Variants in LYRM4 observed in about 807,000 individuals in gnomAD.
The protein encoded by LYRM4 is LYR motif containing 4.
Under a neutral mutation model 11.7 loss-of-function variants are expected in LYRM4, and 9 were observed. That is an observed-to-expected ratio of 0.77 (90% CI 0.46 to 1.34). The LOEUF is 1.34. LYRM4 is among the 40% of genes most tolerant of loss of function. LYRM4 has a pLI of 0.00. For synonymous variants in LYRM4, 42 were observed against 40.4 expected (o/e 1.04, Z -0.15); for missense variants, 133 against 112.5 (o/e 1.18, Z -0.82).
chr6:5,230,484 C>A (rs1763173057), intron 1 of LYRM4, among the ~76,000 whole-genome samples: 1 of 152,114 alleles, frequency 6.6e-6, no homozygotes, highest in South Asian at 2.1e-4. Context: ...GCTCAAGCTT[C>A]CATCAGGTAT....
intron 2 of LYRM4, among the ~76,000 whole-genome samples, chr6:5,172,596 G>C (rs1165274179): frequency 1.3e-5 from 2 of 152,054 alleles, no homozygotes; most frequent in Non-Finnish European, 2.9e-5. Context: ...CTCTGCAAAG[G>C]GAGGACCACA....
chr6:5,123,313 G>A (rs1167702578), intron 2 of LYRM4, among the ~76,000 whole-genome samples: 1 of 152,220 alleles, frequency 6.6e-6, no homozygotes, highest in Non-Finnish European at 1.5e-5. Flanking sequence ...GAGAGTGGAG[G>A]TGAGAGAGAA....
chr6:5,178,183 T>C (rs2746220), intron 2 of LYRM4, among the ~76,000 whole-genome samples: 52,994 of 151,972 alleles, frequency 0.35, 10,556 homozygotes, highest in African/African-American at 0.56. Context: ...TTTTGTATAT[T>C]GTCTGTGTTG....
downstream of LYRM4, chr6:5,108,177 C>G (rs559702048): frequency 3.3e-5 from 5 of 152,376 alleles, no homozygotes; most frequent in Admixed American, 2.6e-4. Context: ...AGTGCGTACT[C>G]ACTCCCATGA....
In LYRM4 at chr6:5,237,168, T is replaced by C. The variant is rs530028405; in HGVS notation, c.87-20430A>G. Among the ~76,000 whole-genome samples, 22 of 152,332 alleles carry C rather than the reference T, an allele frequency of 1.4e-4. 1 individual carries two copies. In the East Asian group the frequency reaches 4.2e-3, roughly 29 times the overall value. On this transcript the variant is annotated intron_variant, in intron 1 of 2. Transcript: ENST00000330636. ...CCCTTGTCTGTGGCCTATCAGGAAC[T>C]GGGCTGCACAGCAGCAGATGAGCGA...
intron 2 of LYRM4, among the ~76,000 whole-genome samples, chr6:5,185,713 A>G (rs1005094819): frequency 6.6e-6 from 1 of 152,200 alleles, no homozygotes; most frequent in African/African-American, 2.4e-5. Context: ...GTCCGGTTTC[A>G]ACACCTGTGC....
chr6:5,212,294 TA>T (rs1366458415), intron 2 of LYRM4, among the ~76,000 whole-genome samples: 1 of 152,116 alleles, frequency 6.6e-6, no homozygotes, highest in African/African-American at 2.4e-5. Flanking sequence ...TCCAGAGGAG[TA>T]TCTTTATTTA....
the LYRM4 span, among the ~76,000 whole-genome samples, chr6:5,046,228 G>T: frequency 6.6e-6 from 1 of 151,922 alleles, no homozygotes; most frequent in Non-Finnish European, 1.5e-5. Context: ...CTCACTGCAA[G>T]CTCTGCCTCC....
At chr6:5,032,248 C>T in the LYRM4 span, 2 of 152,268 alleles carry the variant, frequency 1.3e-5, no homozygotes, top group Non-Finnish European at 2.9e-5. Context: ...AAGGGATAAG[C>T]GGTTCCCTCA....
chr6:5,218,455 G>A, intron 1 of LYRM4: 5 of 851,354 alleles, frequency 5.9e-6, no homozygotes, highest in Non-Finnish European at 5.7e-6. Flanking sequence ...AAGTAAAAAG[G>A]CATTTTACAT....
intron 2 of LYRM4, among the ~76,000 whole-genome samples, chr6:5,186,159 A>C (rs1340976871): frequency 6.6e-6 from 1 of 152,170 alleles, no homozygotes; most frequent in East Asian, 1.9e-4. Flanking sequence ...ATGACCCTGC[A>C]GATAGAGGAG....
intron 1 of LYRM4, among the ~76,000 whole-genome samples, chr6:5,225,163 G>C (rs890121252): frequency 6.6e-6 from 1 of 150,506 alleles, no homozygotes; most frequent in South Asian, 2.1e-4. Flanking sequence ...CAGGAGAATG[G>C]CGTGAACCTG....
At chr6:5,051,048 A>G in the LYRM4 span, among the ~76,000 whole-genome samples, 1 of 152,184 alleles carries the variant, frequency 6.6e-6, no homozygotes, top group East Asian at 1.9e-4. Context: ...TCACTAGAGG[A>G]CTCAAAAACA....
chr6:5,095,147 T>G, the LYRM4 span, among the ~76,000 whole-genome samples: 1 of 152,230 alleles, frequency 6.6e-6, no homozygotes, highest in Non-Finnish European at 1.5e-5. Context: ...GTGATCACTA[T>G]GTCTACGAAC....
intron 2 of LYRM4, among the ~76,000 whole-genome samples, chr6:5,119,651 G>C (rs531535796): frequency 4.1e-4 from 63 of 151,998 alleles, no homozygotes; most frequent in African/African-American, 1.4e-3. Flanking sequence ...TTAGCTGGAC[G>C]TGGTGGCCCA....
At chr6:5,093,037 AAC>A in the LYRM4 span, among the ~76,000 whole-genome samples, 2 of 152,224 alleles carry the variant, frequency 1.3e-5, no homozygotes, top group African/African-American at 4.8e-5. Flanking sequence ...TTAACAATGA[AAC>A]ACACAATATG....
the LYRM4 span, among the ~76,000 whole-genome samples, chr6:5,036,988 A>T: frequency 6.7e-6 from 1 of 149,970 alleles, no homozygotes; most frequent in Non-Finnish European, 1.5e-5. Context: ...AGTATTGAGA[A>T]GTCTTGTCTC....
the LYRM4 span, among the ~76,000 whole-genome samples, chr6:5,059,403 C>T: frequency 6.6e-6 from 1 of 150,406 alleles, no homozygotes; most frequent in Admixed American, 6.6e-5. Flanking sequence ...CCTTTTATTG[C>T]ACTAATAAAA....
At chr6:5,085,415 G>C in the LYRM4 span, 15 of 1,167,204 alleles carry the variant, frequency 1.3e-5, no homozygotes, top group African/African-American at 3.1e-5. Context: ...CTCCTTCCAC[G>C]GCCCGAGGAG....
Sources: gnomAD v4.1 joint callset for allele counts (sites outside exome capture counted in the v4.1 genomes callset) on GRCh38, gnomAD v4.1.1 for gene constraint, MANE v1.5 for transcripts, NCBI Gene and HGNC (gene_info 2026-07-23, HGNC 2026-07-21) for gene names.